The following FGF12 variants were observed in gnomAD, a reference collection of about 807,000 sequenced individuals.
FGF12 encodes fibroblast growth factor 12, also known as fibroblast growth factor 12B.
Under a neutral mutation model 23.6 loss-of-function variants are expected in FGF12, and 14 were observed. The ratio of observed to expected loss-of-function variants is 0.59; its 90% CI spans 0.39 to 0.93. The LOEUF (loss-of-function observed/expected upper bound fraction) is 0.93, where lower values mean the gene tolerates loss of function less well. FGF12 is among the 40% of genes least tolerant of loss of function. FGF12 has a pLI of 0.00. For synonymous variants in FGF12, 62 were observed against 77.3 expected, an observed-to-expected ratio of 0.80 and a Z score of 1.04; for missense variants, 175 against 217.8, an observed-to-expected ratio of 0.80 and a Z score of 1.24.
intron 2 of FGF12, among the ~76,000 whole-genome samples, chr3:192,723,470 GCATAGAAATGAC>G (rs1406327989): frequency 6.6e-6 from 1 of 152,122 alleles, no homozygotes; most frequent in African/African-American, 2.4e-5. Flanking sequence ...ATGTTAAAGT[GCATAGAAATGAC>G]CATTAGATTT....
At chr3:192,283,661 ACTC>A (rs1263448649) in intron 4 of FGF12, among the ~76,000 whole-genome samples, 1 of 151,984 alleles carries the variant, frequency 6.6e-6, no homozygotes, top group Admixed American at 6.6e-5. Flanking sequence ...ATTTTCAGTC[ACTC>A]CTCCTACATC....
chr3:192,452,581 AT>A (rs1266456226), intron 2 of FGF12, among the ~76,000 whole-genome samples: 1 of 152,182 alleles, frequency 6.6e-6, no homozygotes, highest in Non-Finnish European at 1.5e-5. Flanking sequence ...TTGAAAGATA[AT>A]TTTGTTGAGT....
chr3:192,720,410 G>A (rs968621671), intron 2 of FGF12, among the ~76,000 whole-genome samples: 3 of 152,200 alleles, frequency 2.0e-5, no homozygotes, highest in Non-Finnish European at 4.4e-5. Flanking sequence ...GCCTCCCTGG[G>A]TGGGAGTCTC....
In FGF12 at chr3:192,567,789, CT is replaced by C. The variant is rs1214953104; in HGVS notation, c.13+159391del. On this transcript the variant is annotated intron_variant, in intron 2 of 5. Coordinates refer to ENST00000445105, the MANE Select transcript of FGF12 (RefSeq NM_004113.6). ...TCTTTCTTTCTTTCTTTCTTTCTTTCTTTCTTTCTTTCTCTTTCTTTCTTTC... is the reference window on the plus strand; with the variant it reads ...TCTTTCTTTCTTTCTTTCTTTCTTTCTTCTTTCTTTCTCTTTCTTTCTTTC... Among the ~76,000 whole-genome samples, 19 of 130,490 alleles carry C rather than the reference CT, an allele frequency of 1.5e-4. No individual in the cohort carries two copies. The South Asian group carries it at 5.1e-3, about 35-fold the overall frequency. The allele number at this position is 130,490 out of a possible 152,430, so 85.6% of individuals were successfully genotyped here.
chr3:192,492,926 A>G (rs1723841309), intron 2 of FGF12, among the ~76,000 whole-genome samples: 1 of 149,924 alleles, frequency 6.7e-6, no homozygotes, highest in African/African-American at 2.5e-5. Flanking sequence ...GACCACAGGC[A>G]TGTGCTATCA....
chr3:192,214,735 C>G (rs1718102782), intron 4 of FGF12, among the ~76,000 whole-genome samples: 1 of 152,222 alleles, frequency 6.6e-6, no homozygotes, highest in South Asian at 2.1e-4. Context: ...AGGCCAACAG[C>G]TGTCTTAAAT....
intron 2 of FGF12, among the ~76,000 whole-genome samples, chr3:192,448,582 G>A (rs1328829018): frequency 6.6e-6 from 1 of 152,186 alleles, no homozygotes; most frequent in African/African-American, 2.4e-5. Flanking sequence ...CTAGGCTTGA[G>A]TGATACTATG....
intron 2 of FGF12, among the ~76,000 whole-genome samples, chr3:192,572,331 A>T (rs1712674851): frequency 6.6e-6 from 1 of 152,228 alleles, no homozygotes. Context: ...GCCCATTTGA[A>T]GAACTCTTGT....
chr3:192,329,357 C>T (rs755373611), intron 4 of FGF12, among the ~76,000 whole-genome samples: 1 of 152,152 alleles, frequency 6.6e-6, no homozygotes, highest in Non-Finnish European at 1.5e-5. Flanking sequence ...TCAGTGATAG[C>T]ACTTTAGTAA....
chr3:192,143,955 G>A lies in FGF12; in HGVS notation c.*54C>T. 1.8e-6 allele frequency: 2 copies of A among 1,099,678 alleles called. No individual in the cohort carries two copies. Among genetic ancestry groups the A allele is most frequent in the South Asian group, 1.3e-5 (1 of 78,396 alleles). 68.1% of individuals were successfully genotyped at this position (1,099,678 alleles called of 1,614,324 possible). A position where few individuals can be genotyped will look rare whatever the true frequency, so the allele number is the denominator to read the frequency against. ...ATTTACTGGAAGGAAATGGGTAAAT[G>A]GGAAGGAAGGGAAGGGGAAGGGATG... On this transcript the variant is annotated 3_prime_UTR_variant, in exon 6 of 6. Coordinates refer to ENST00000445105, the MANE Select transcript of FGF12 (RefSeq NM_004113.6).
chr3:192,571,873 A>C (rs1712649700), intron 2 of FGF12, among the ~76,000 whole-genome samples: 1 of 151,390 alleles, frequency 6.6e-6, no homozygotes, highest in African/African-American at 2.4e-5. Context: ...GTCTTCCCAG[A>C]GCTTAGGAGT....
At chr3:192,190,205 T>C (rs982746815) in intron 4 of FGF12, among the ~76,000 whole-genome samples, 5 of 152,202 alleles carry the variant, frequency 3.3e-5, no homozygotes, top group Non-Finnish European at 5.9e-5. Context: ...AGTTATTATA[T>C]AACAATACAT....
chr3:192,326,639 TG>T (rs1311634174), intron 4 of FGF12, among the ~76,000 whole-genome samples: 3 of 152,200 alleles, frequency 2.0e-5, no homozygotes, highest in Admixed American at 6.5e-5. Context: ...CTTTCATTTT[TG>T]TTGTTGGTGT....
At chr3:192,707,942 C>T (rs1718529513) in intron 2 of FGF12, among the ~76,000 whole-genome samples, 1 of 151,714 alleles carries the variant, frequency 6.6e-6, no homozygotes, top group Non-Finnish European at 1.5e-5. Context: ...GGAATAGCAT[C>T]CATTATTATT....
At chr3:192,644,611 A>C (rs570825522) in intron 2 of FGF12, among the ~76,000 whole-genome samples, 1 of 152,324 alleles carries the variant, frequency 6.6e-6, no homozygotes, top group African/African-American at 2.4e-5. Flanking sequence ...ATTATCATTA[A>C]GTAAATACTT....
At chr3:192,571,765 C>A (rs922673587) in intron 2 of FGF12, among the ~76,000 whole-genome samples, 1 of 152,082 alleles carries the variant, frequency 6.6e-6, no homozygotes, top group Non-Finnish European at 1.5e-5. Flanking sequence ...TGCTTCTTCC[C>A]CACTCAAAGC....
At chr3:192,344,514 A>G (rs1717858359) in intron 3 of FGF12, among the ~76,000 whole-genome samples, 1 of 152,198 alleles carries the variant, frequency 6.6e-6, no homozygotes, top group Admixed American at 6.5e-5. Context: ...CCTATTTTAT[A>G]AGCAATTGGC....
At chr3:192,640,795 TTTTG>T (rs139763676) in intron 2 of FGF12, among the ~76,000 whole-genome samples, 18,327 of 150,028 alleles carry the variant, frequency 0.12, 1,207 homozygotes, top group Middle Eastern at 0.15. Flanking sequence ...AACCCCTTTT[TTTTG>T]TTTGTTTGTT....
At chr3:192,681,152 G>T (rs556492306) in intron 2 of FGF12, among the ~76,000 whole-genome samples, 4 of 152,314 alleles carry the variant, frequency 2.6e-5, no homozygotes, top group African/African-American at 9.6e-5. Flanking sequence ...ATGATAAAGG[G>T]TCAGAATAAG....
Sources: allele counts gnomAD v4.1 joint callset (sites outside exome capture counted in the v4.1 genomes callset), GRCh38; gene constraint gnomAD v4.1.1; transcripts MANE v1.5; gene names NCBI Gene and HGNC (gene_info 2026-07-23, HGNC 2026-07-21).